FAXC: variants seen among roughly 807,000 people sequenced by gnomAD.
The protein encoded by FAXC is failed axon connections homolog.
FAXC carries 10 observed loss-of-function variants against 41.9 expected under a neutral mutation model. The ratio of observed to expected loss-of-function variants is 0.24; its 90% confidence interval spans 0.15 to 0.41. The LOEUF is 0.41. FAXC is among the 10% of genes least tolerant of loss of function. The pLI is 1.00. For synonymous variants in FAXC, 183 were observed against 183.8 expected (o/e 1.00, Z 0.03); for missense variants, 399 against 510.9 (o/e 0.78, Z 2.11).
At chr6:99,338,171 G>A (rs1404790810) in intron 2 of FAXC, among the ~76,000 whole-genome samples, 1 of 152,028 alleles carries the variant, frequency 6.6e-6, no homozygotes, top group Non-Finnish European at 1.5e-5. Context: ...CTGGAGCATT[G>A]CCCACTCCAT....
intron 4 of FAXC, among the ~76,000 whole-genome samples, chr6:99,319,901 T>C (rs1305443893): frequency 2.6e-5 from 4 of 152,234 alleles, no homozygotes; most frequent in South Asian, 2.1e-4. Context: ...TCATTAACTG[T>C]AATAATTTTA....
chr6:99,311,414 A>G (rs1437965235), intron 4 of FAXC, among the ~76,000 whole-genome samples: 1 of 152,132 alleles, frequency 6.6e-6, no homozygotes, highest in Non-Finnish European at 1.5e-5. Context: ...ATCTCTACTA[A>G]AAATACAAAA....
intron 4 of FAXC, among the ~76,000 whole-genome samples, chr6:99,301,166 G>A (rs1161074395): frequency 4.6e-5 from 7 of 152,326 alleles, no homozygotes; most frequent in South Asian, 4.1e-4. Flanking sequence ...CTCTAGGCAC[G>A]GATCCCTTAG....
At chr6:99,314,852 G>A (rs563521591) in intron 4 of FAXC, among the ~76,000 whole-genome samples, 13 of 151,984 alleles carry the variant, frequency 8.6e-5, no homozygotes, top group Non-Finnish European at 1.6e-4. Context: ...TCTAGTCCAC[G>A]CTATTCTACT....
chr6:99,312,278 C>A (rs1481479219), intron 4 of FAXC, among the ~76,000 whole-genome samples: 2 of 152,200 alleles, frequency 1.3e-5, no homozygotes, highest in Non-Finnish European at 2.9e-5. Flanking sequence ...TGCCTGGGAG[C>A]ACGGAACAGG....
At chr6:99,336,661 T>C (rs1321324536) in intron 2 of FAXC, among the ~76,000 whole-genome samples, 2 of 152,220 alleles carry the variant, frequency 1.3e-5, no homozygotes, top group African/African-American at 2.4e-5. Context: ...TTTCAAAATC[T>C]CATTCCATCA....
chr6:99,308,481 G>A (rs1254952791), intron 4 of FAXC, among the ~76,000 whole-genome samples: 1 of 152,074 alleles, frequency 6.6e-6, no homozygotes, highest in Non-Finnish European at 1.5e-5. Flanking sequence ...GAGCACCATG[G>A]CGATGCCTAG....
chr6:99,285,723 G>C (rs1311489832), intron 5 of FAXC, among the ~76,000 whole-genome samples: 1 of 152,160 alleles, frequency 6.6e-6, no homozygotes, highest in Non-Finnish European at 1.5e-5. Flanking sequence ...AACTTGAGAG[G>C]ATATTTATCA....
At chr6:99,310,660 T>C (rs1421499494) in intron 4 of FAXC, among the ~76,000 whole-genome samples, 1 of 152,260 alleles carries the variant, frequency 6.6e-6, no homozygotes, top group East Asian at 1.9e-4. Flanking sequence ...TCTGTGTATT[T>C]TATCTTTCTA....
chr6:99,285,025 T>TA (rs57078189), intron 5 of FAXC, among the ~76,000 whole-genome samples: 121,752 of 148,150 alleles, frequency 0.82, 50,355 homozygotes, highest in East Asian at 0.98. Flanking sequence ...ACTTGACTGG[T>TA]AAAAAAAAAA....
At chr6:99,317,262 A>T (rs1772394763) in intron 4 of FAXC, among the ~76,000 whole-genome samples, 1 of 152,180 alleles carries the variant, frequency 6.6e-6, no homozygotes, top group East Asian at 1.9e-4. Context: ...ATTTCTCCTT[A>T]AGCATTTCAT....
chr6:99,272,190 G>GTGTGTGTT lies in FAXC; in HGVS notation c.*8973_*8974insAACACACA, dbSNP rs1464948772. 6.8e-5 allele frequency: 10 copies of GTGTGTGTT among 147,376 alleles called. No individual in the cohort carries two copies. The highest frequency in any genetic ancestry group is 1.3e-4 in the Non-Finnish European group (9 of 67,200). The allele number at this position is 147,376 out of a possible 1,614,324, so 9.1% of individuals were successfully genotyped here. On this transcript the variant is annotated 3_prime_UTR_variant, in exon 6 of 6. Transcript: ENST00000389677. ...TGTGTGTGTGTGTGTGTGTGTGTGT[G>GTGTGTGTT]TTTGAGATGGAGTTTTGCTCTTGTT... is the stretch of plus-strand genomic sequence containing the variant.
intron 4 of FAXC, among the ~76,000 whole-genome samples, chr6:99,313,110 T>A (rs1054503477): frequency 1.3e-5 from 2 of 151,976 alleles, no homozygotes; most frequent in Non-Finnish European, 2.9e-5. Context: ...CTGGGCAACA[T>A]GGCAAAACCT....
chr6:99,349,327 C>G lies in FAXC; in HGVS notation c.46G>C (p.Asp16His). 6.2e-7 allele frequency: 1 copy of G among 1,612,946 alleles called. No individual in the cohort carries two copies. The highest frequency in any genetic ancestry group is 8.5e-7 in the Non-Finnish European group (1 of 1,179,922). ...GAGATGCTCTGGTTCCAGCTCAGAT[C>G]CACCACGCACGGCCTGGACGAAGCA... is the stretch of plus-strand genomic sequence containing the variant. ...GFASSRPCVVDLSWNQSISFF... is the reference protein window; with the variant it reads ...GFASSRPCVVHLSWNQSISFF... The change falls in exon 1 of 6, where the codon GAT (aspartate) becomes CAT (histidine). Residue 16 changes from aspartate to histidine, a missense_variant. Asp to His is a moderately conservative substitution (Grantham distance 81). Coordinates refer to ENST00000389677, the MANE Select transcript of FAXC (RefSeq NM_032511.4).
chr6:99,297,326 G>A (rs947974593), intron 4 of FAXC, among the ~76,000 whole-genome samples: 60 of 152,252 alleles, frequency 3.9e-4, no homozygotes, highest in Admixed American at 1.8e-3. Context: ...TGGATGAGCA[G>A]AGCAGGGAGA....
rs1455877348 is a variant in FAXC at position 99,318,298 on chromosome 6, C to CAAAA, written c.823+5145_823+5146insTTTT. Among the ~76,000 whole-genome samples, 965 of 137,840 alleles carry CAAAA rather than the reference C, an allele frequency of 7.0e-3. 21 individuals are homozygous for CAAAA. Among genetic ancestry groups the CAAAA allele is most frequent in the South Asian group, 0.038 (159 of 4,150 alleles). The allele number at this position is 137,840 out of a possible 152,430, so 90.4% of individuals were successfully genotyped here. On this transcript the variant is annotated intron_variant, in intron 4 of 5. Transcript: ENST00000389677. ...ACACACACACACACACACACACACA[C>CAAAA]ACACACACAAAATAGAAGAAATGGA...
intron 4 of FAXC, among the ~76,000 whole-genome samples, chr6:99,308,095 G>C (rs1047134064): frequency 6.6e-6 from 1 of 152,138 alleles, no homozygotes; most frequent in African/African-American, 2.4e-5. Flanking sequence ...TCAGGAGTTC[G>C]GGACCAGCCT....
chr6:99,290,953 A>G (rs1160988854), intron 5 of FAXC, among the ~76,000 whole-genome samples: 1 of 151,870 alleles, frequency 6.6e-6, no homozygotes, highest in African/African-American at 2.4e-5. Flanking sequence ...CCAGGATTAC[A>G]GGTGCATGCC....
intron 4 of FAXC, among the ~76,000 whole-genome samples, chr6:99,297,341 T>C (rs898468142): frequency 2.6e-5 from 4 of 151,936 alleles, no homozygotes; most frequent in African/African-American, 7.3e-5. Flanking sequence ...GGGAGAACAA[T>C]AGAGGACAAA....
Sources: allele counts gnomAD v4.1 joint callset (sites outside exome capture counted in the v4.1 genomes callset), GRCh38; gene constraint gnomAD v4.1.1; transcripts MANE v1.5; gene names NCBI Gene and HGNC (gene_info 2026-07-23, HGNC 2026-07-21).